The following C11orf58 variants were observed in gnomAD, a reference collection of about 807,000 sequenced individuals.
The protein encoded by C11orf58 is small acidic protein.
In C11orf58, 5 loss-of-function variants were observed where a neutral mutation model predicts 22.7. The observed-to-expected ratio is 0.22, with a 90% CI of 0.12 to 0.46. The LOEUF (loss-of-function observed/expected upper bound fraction) is 0.46. Ranked by LOEUF, C11orf58 falls within the 20% of genes least tolerant of loss-of-function variation. The pLI is 0.99. For synonymous variants in C11orf58, 71 were observed against 70.7 expected (o/e 1.00, Z -0.02); for missense variants, 151 against 223.3 (o/e 0.68, Z 2.06).
chr11:16,740,739 T>A (rs1232509286), intron 1 of C11orf58, among the ~76,000 whole-genome samples: 6 of 149,828 alleles, frequency 4.0e-5, no homozygotes, highest in East Asian at 2.0e-4. Context: ...AAAAAAAAAA[T>A]TTTTTTAACC....
rs1184491483 is a variant in C11orf58 at position 16,758,179 on chromosome 11, C to A, written c.*3075C>A. 6.6e-6 allele frequency among the ~76,000 whole-genome samples: 1 copy of A among 152,050 alleles called. No homozygotes were observed. The highest frequency in any genetic ancestry group is 1.5e-5 in the Non-Finnish European group (1 of 68,028). On this transcript the variant is annotated 3_prime_UTR_variant, in exon 5 of 5. Coordinates refer to ENST00000228136, the MANE Select transcript of C11orf58 (RefSeq NM_014267.6). The stretch of plus-strand genomic sequence containing the variant: ...TCCACCTCTGTAAGTCCTATCTAGG[C>A]TTCCTGATCTATCAATTCAGTATCA...
rs1306286914 is a variant in C11orf58 at position 16,756,164 on chromosome 11, AATGTTT to A, written c.*1063_*1068del. ...TTTGGATAATGGGGTCCAAATTCTTAATGTTTATAAGTAACAAGTTCAAAGGCTTTA... is the reference window on the plus strand; with the variant it reads ...TTTGGATAATGGGGTCCAAATTCTTAATAAGTAACAAGTTCAAAGGCTTTA... On this transcript the variant is annotated 3_prime_UTR_variant, in exon 5 of 5. Coordinates refer to ENST00000228136, the MANE Select transcript of C11orf58 (RefSeq NM_014267.6). 16 of 152,010 alleles carry A rather than the reference AATGTTT, an allele frequency of 1.1e-4. No individual in the cohort carries two copies. The highest frequency in any genetic ancestry group is 3.6e-4 in the African/African-American group (15 of 41,384). The allele number at this position is 152,010 out of a possible 1,614,324, so 9.4% of individuals were successfully genotyped here.
At position 16,757,368 on chromosome 11, in the gene C11orf58, T is replaced by C. The variant is rs946734611; in HGVS notation, c.*2264T>C. Among the ~76,000 whole-genome samples, 1 of 152,196 alleles carries C rather than the reference T, an allele frequency of 6.6e-6. No individual in the cohort carries two copies. Among genetic ancestry groups the C allele is most frequent in the Non-Finnish European group, 1.5e-5 (1 of 68,034 alleles). ...ATAAGGAAATAGGAGCAACTTGTTT[T>C]AAAATAACTACACTAAAAGACTTTC... On this transcript the variant is annotated 3_prime_UTR_variant, in exon 5 of 5. Transcript: ENST00000228136.
At chr11:16,745,526 ACT>A (rs1386038954) in intron 2 of C11orf58, among the ~76,000 whole-genome samples, 11 of 152,084 alleles carry the variant, frequency 7.2e-5, no homozygotes, top group East Asian at 1.9e-4. Context: ...AAAATAATTG[ACT>A]CTTCATTAAT....
intron 3 of C11orf58, chr11:16,751,209 T>G (rs772069962): frequency 6.6e-6 from 1 of 152,140 alleles, no homozygotes; most frequent in African/African-American, 2.4e-5. Context: ...GTCACAAAAT[T>G]GCTTACTTGG....
chr11:16,751,782 C>G (rs963494029), intron 3 of C11orf58: 1 of 152,158 alleles, frequency 6.6e-6, no homozygotes. Context: ...GAAAGAGCCC[C>G]GAACTGGGAA....
intron 4 of C11orf58, chr11:16,753,771 C>CT (rs1224254468): frequency 3.5e-5 from 14 of 399,288 alleles, no homozygotes; most frequent in African/African-American, 2.7e-4. Flanking sequence ...GGTTCTCACT[C>CT]TGTCACCCAG....
chr11:16,739,174 CAGTAT>C (rs556016552), intron 1 of C11orf58, among the ~76,000 whole-genome samples: 106 of 152,144 alleles, frequency 7.0e-4, no homozygotes, highest in Non-Finnish European at 1.3e-3. Context: ...CCTTTGTACT[CAGTAT>C]AGAGACGGCA....
intron 1 of C11orf58, chr11:16,739,560 CACTGCCG>C (rs917304125): frequency 6.6e-6 from 1 of 152,204 alleles, no homozygotes; most frequent in African/African-American, 2.4e-5. Flanking sequence ...ATATTTACTG[CACTGCCG>C]GGTGTTGGGA....
chr11:16,752,726 G>A, intron 3 of C11orf58, 59 bp from the exon 4 acceptor site: 1 of 1,210,998 alleles, frequency 8.3e-7, no homozygotes, highest in Non-Finnish European at 1.2e-6. Context: ...CTGTATTATG[G>A]GTTTTTGTGT....
At chr11:16,748,361 G>A in intron 3 of C11orf58, 2 of 438,632 alleles carry the variant, frequency 4.6e-6, no homozygotes, top group Non-Finnish European at 8.3e-6. Context: ...CCAGGAGTTT[G>A]AGGCTGCAAT....
At chr11:16,743,850 G>A (rs1431624237) in intron 1 of C11orf58, among the ~76,000 whole-genome samples, 3 of 151,966 alleles carry the variant, frequency 2.0e-5, no homozygotes, top group South Asian at 2.1e-4. Flanking sequence ...GTTTCAAAAT[G>A]TAGGGAAAAA....
chr11:16,747,140 T>C (rs1009760989), intron 2 of C11orf58: 1 of 152,220 alleles, frequency 6.6e-6, no homozygotes, highest in South Asian at 2.1e-4. Context: ...CTTGATGCTG[T>C]TATATTAAAA....
chr11:16,746,492 G>A (rs575900451), intron 2 of C11orf58, among the ~76,000 whole-genome samples: 17 of 152,260 alleles, frequency 1.1e-4, no homozygotes, highest in African/African-American at 3.4e-4. Flanking sequence ...AGTTAAAATC[G>A]AAGTTTCCAA....
chr11:16,749,142 T>C (rs1425166761), intron 3 of C11orf58: 1 of 152,206 alleles, frequency 6.6e-6, no homozygotes, highest in Non-Finnish European at 1.5e-5. Flanking sequence ...AAAATGAATT[T>C]GGGTATTTGG....
At chr11:16,748,915 T>C (rs1454815349) in intron 3 of C11orf58, among the ~76,000 whole-genome samples, 1 of 152,226 alleles carries the variant, frequency 6.6e-6, no homozygotes, top group Non-Finnish European at 1.5e-5. Context: ...ACATATATTT[T>C]AATTGTAGTG....
intron 3 of C11orf58, chr11:16,748,698 T>C (rs1378727757): frequency 6.6e-6 from 1 of 151,400 alleles, no homozygotes; most frequent in African/African-American, 2.4e-5. Flanking sequence ...TGAGCCAAGA[T>C]AGCACCATTG....
intron 1 of C11orf58, among the ~76,000 whole-genome samples, chr11:16,742,437 T>A (rs894342734): frequency 6.6e-6 from 1 of 152,226 alleles, no homozygotes; most frequent in Non-Finnish European, 1.5e-5. Flanking sequence ...ATTTAGTGAT[T>A]GTCAGAACTG....
intron 3 of C11orf58, chr11:16,751,258 T>C (rs974315299): frequency 2.6e-5 from 4 of 152,150 alleles, no homozygotes; most frequent in Admixed American, 6.5e-5. Flanking sequence ...ACAGCACTTT[T>C]GGGAGGCCAA....
Sources: gnomAD v4.1 joint callset for allele counts (sites outside exome capture counted in the v4.1 genomes callset) on GRCh38, gnomAD v4.1.1 for gene constraint, MANE v1.5 for transcripts, NCBI Gene and HGNC (gene_info 2026-07-23, HGNC 2026-07-21) for gene names.